VWA8: variants seen among roughly 807,000 people sequenced by gnomAD.
VWA8 encodes von Willebrand factor A domain containing 8, also known as von Willebrand factor A domain-containing protein 8.
VWA8 carries 221 observed loss-of-function variants against 241.5 expected under a neutral mutation model. That is an observed-to-expected ratio of 0.91 (90% CI 0.82 to 1.02). VWA8 has a LOEUF of 1.02. VWA8 is among the 50% of genes least tolerant of loss of function. VWA8 has a pLI of 0.00. For synonymous variants in VWA8, 852 were observed against 827.1 expected (o/e 1.03, Z -0.52); for missense variants, 2,322 against 2,328.7 (o/e 1.00, Z 0.06).
chr13:41,957,468 C>G (rs1398637427), intron 1 of VWA8, among the ~76,000 whole-genome samples: 1 of 152,074 alleles, frequency 6.6e-6, no homozygotes, highest in Non-Finnish European at 1.5e-5. Flanking sequence ...CAGATTAATA[C>G]AGTGGTGCAC....
In VWA8 at chr13:41,907,640, A is replaced by C. The variant is rs758943957; in HGVS notation, c.429T>G (p.Thr143=). The change falls in exon 4 of 45, where the codon ACT becomes ACG. Residue 143 remains threonine (T), a synonymous_variant. Transcript: ENST00000379310. Reference sequence around the variant, plus strand: ...GGATCTCTCGTCGCTGTTTGAGATCAGTTTCAGTGGTGTCCCTTGACAGGG... The same window carrying C: ...GGATCTCTCGTCGCTGTTTGAGATCCGTTTCAGTGGTGTCCCTTGACAGGG... ...YIALSRDTTE[T]DLKQRREIRA... The C allele has an allele frequency of 6.2e-7, 1 of 1,614,058 alleles. No individual in the cohort carries two copies. The highest frequency in any genetic ancestry group is 8.5e-7 in the Non-Finnish European group (1 of 1,180,020).
At chr13:41,900,431 C>T (rs1048024377) in intron 4 of VWA8, among the ~76,000 whole-genome samples, 6 of 152,096 alleles carry the variant, frequency 3.9e-5, no homozygotes, top group African/African-American at 1.4e-4. Flanking sequence ...GAAAAAAATG[C>T]AGCAGGATCC....
In VWA8 at chr13:41,599,707, G is replaced by A. The variant is rs538718773; in HGVS notation, c.4986+5461C>T. ...CCAGCAGGGAAGGAATTGAAACTGC[G>A]GACAGTCCCAGCATGAGAACTTCAT... On this transcript the variant is annotated intron_variant, in intron 40 of 44. Transcript: ENST00000379310. Among the ~76,000 whole-genome samples, 37 of 152,194 alleles carry A rather than the reference G, an allele frequency of 2.4e-4. No individual in the cohort carries two copies. In the Middle Eastern group the frequency reaches 0.01, roughly 42 times the overall value.
chr13:41,709,428 T>C lies in VWA8; in HGVS notation c.3117-6017A>G, dbSNP rs76174344. Among the ~76,000 whole-genome samples the C allele has an allele frequency of 1.2e-3, 179 of 152,334 alleles. 1 individual carries two copies. Among genetic ancestry groups the C allele is most frequent in the African/African-American group, 4.2e-3 (174 of 41,558 alleles). ...TTAGGTTCACCGCCTTTCAGTTTAT[T>C]ACCTTTAGAAAACCAAAAAGGAGTC... On this transcript the variant is annotated intron_variant, in intron 26 of 44. Coordinates refer to ENST00000379310, the MANE Select transcript of VWA8 (RefSeq NM_015058.2).
At chr13:41,648,636 C>T (rs2044848609) in intron 37 of VWA8, among the ~76,000 whole-genome samples, 1 of 152,104 alleles carries the variant, frequency 6.6e-6, no homozygotes, top group African/African-American at 2.4e-5. Flanking sequence ...TTTGACGGGG[C>T]CGTAAAATAA....
chr13:41,949,450 G>A (rs904280171), intron 2 of VWA8, among the ~76,000 whole-genome samples: 5 of 150,596 alleles, frequency 3.3e-5, no homozygotes, highest in African/African-American at 1.2e-4. Flanking sequence ...ACAGGGAGGG[G>A]AACAACACAC....
intron 26 of VWA8, among the ~76,000 whole-genome samples, chr13:41,711,608 C>T (rs988295856): frequency 6.6e-6 from 1 of 152,180 alleles, no homozygotes; most frequent in Non-Finnish European, 1.5e-5. Context: ...GGCATGGTGG[C>T]TCATGCCTGT....
rs764162468 is a variant in VWA8 at position 41,816,740 on chromosome 13, T to A, written c.1905A>T (p.Leu635Phe). 9.9e-6 allele frequency: 16 copies of A among 1,613,616 alleles called. No individual in the cohort carries two copies. The highest frequency in any genetic ancestry group is 1.4e-5 in the Non-Finnish European group (16 of 1,179,808). The change falls in exon 16 of 45, where the codon TTA becomes TTT. Residue 635 changes from leucine (L) to phenylalanine (F), a missense_variant. Physicochemically the swap from Leu to Phe is conservative, Grantham distance 22 (BLOSUM62 0). Transcript: ENST00000379310. ...PNVPQEALDK[L>F]LSFTHKLRET... ...CTCTGAGTTTGTGTGTAAATGATAA[T>A]AACTTATCCAGAGCTTCCTGAGGTA... is the stretch of plus-strand genomic sequence containing the variant.
chr13:41,568,749 A>T (rs1256980675), intron 44 of VWA8, among the ~76,000 whole-genome samples: 7 of 152,206 alleles, frequency 4.6e-5, no homozygotes, highest in Non-Finnish European at 1.0e-4. Context: ...CTGCGCAGCC[A>T]AACCCTGAGT....
intron 26 of VWA8, among the ~76,000 whole-genome samples, chr13:41,711,599 G>A (rs1470845589): frequency 1.3e-5 from 2 of 152,188 alleles, no homozygotes; most frequent in African/African-American, 4.8e-5. Context: ...TTCAGGCCGG[G>A]CATGGTGGCT....
intron 23 of VWA8, among the ~76,000 whole-genome samples, chr13:41,727,782 G>A (rs535933741): frequency 5.3e-5 from 8 of 152,112 alleles, no homozygotes; most frequent in Admixed American, 4.6e-4. Flanking sequence ...TTTAGATCAC[G>A]CACCCTGAAA....
intron 21 of VWA8, among the ~76,000 whole-genome samples, chr13:41,747,275 G>A (rs1325935964): frequency 6.6e-6 from 1 of 152,042 alleles, no homozygotes; most frequent in African/African-American, 2.4e-5. Flanking sequence ...TTATTTCATT[G>A]AGCAGTGGTT....
chr13:41,914,298 A>G (rs1876152064), intron 2 of VWA8, among the ~76,000 whole-genome samples: 1 of 152,256 alleles, frequency 6.6e-6, no homozygotes. Flanking sequence ...CAGGAGAGTA[A>G]TAAAGAAAAG....
intron 21 of VWA8, among the ~76,000 whole-genome samples, chr13:41,746,449 C>A (rs2045607522): frequency 6.6e-6 from 1 of 152,134 alleles, no homozygotes; most frequent in Admixed American, 6.5e-5. Context: ...AGCTCTGACT[C>A]ATCAAATCCA....
chr13:41,777,880 A>G, intron 20 of VWA8, 105 bp downstream of exon 20: 1 of 969,874 alleles, frequency 1.0e-6, no homozygotes, highest in Non-Finnish European at 1.5e-6. Flanking sequence ...TAAACCAGTC[A>G]TTTAATAGGG....
At chr13:41,783,269 C>T (rs1015954240) in intron 19 of VWA8, among the ~76,000 whole-genome samples, 2 of 149,144 alleles carry the variant, frequency 1.3e-5, no homozygotes, top group African/African-American at 4.9e-5. Flanking sequence ...AAATTTATTA[C>T]CCTAATCATA....
chr13:41,863,455 T>TATATATATATATA (rs1566485517), intron 12 of VWA8, among the ~76,000 whole-genome samples: 5 of 87,174 alleles, frequency 5.7e-5, no homozygotes, highest in Non-Finnish European at 9.6e-5. Flanking sequence ...ATATATATAT[T>TATATATATATATA]CACACACACA....
intron 26 of VWA8, among the ~76,000 whole-genome samples, chr13:41,718,296 A>C (rs2045359971): frequency 6.6e-6 from 1 of 151,968 alleles, no homozygotes; most frequent in Non-Finnish European, 1.5e-5. Context: ...AAGAAAATTT[A>C]TAATAGAAAG....
chr13:41,713,499 T>C (rs1286967143), intron 26 of VWA8, among the ~76,000 whole-genome samples: 1 of 152,200 alleles, frequency 6.6e-6, no homozygotes, highest in Non-Finnish European at 1.5e-5. Context: ...TAAAAAATTT[T>C]AATTAAAGCA....
Sources: allele counts gnomAD v4.1 joint callset (sites outside exome capture counted in the v4.1 genomes callset), GRCh38; gene constraint gnomAD v4.1.1; transcripts MANE v1.5; gene names NCBI Gene and HGNC (gene_info 2026-07-23, HGNC 2026-07-21).